The following ARHGAP15 variants were observed in gnomAD, a reference collection of about 807,000 sequenced individuals.
ARHGAP15 encodes the protein rho GTPase-activating protein 15.
In ARHGAP15, 51 loss-of-function variants were observed where a neutral mutation model predicts 63.7. The ratio of observed to expected loss-of-function variants is 0.80; its 90% CI spans 0.64 to 1.01. The LOEUF (loss-of-function observed/expected upper bound fraction) is 1.01, where lower values mean the gene tolerates loss of function less well. ARHGAP15 is among the 50% of genes least tolerant of loss of function. The pLI is 0.00. For missense variants in ARHGAP15, 560 were observed against 564.6 expected, an observed-to-expected ratio of 0.99 and a Z score of 0.08; for synonymous variants, 191 against 193.8, an observed-to-expected ratio of 0.99 and a Z score of 0.12.
chr2:143,135,465 T>C (rs1375890223), intron 1 of ARHGAP15, among the ~76,000 whole-genome samples: 1 of 152,192 alleles, frequency 6.6e-6, no homozygotes, highest in Admixed American at 6.5e-5. Context: ...ATAGATATGC[T>C]ACTTAGCCAA....
chr2:143,486,133 A>T (rs555708477), intron 8 of ARHGAP15, among the ~76,000 whole-genome samples: 1 of 152,182 alleles, frequency 6.6e-6, no homozygotes, highest in African/African-American at 2.4e-5. Flanking sequence ...TTTCAAAAGC[A>T]TATCTATATT....
chr2:143,208,394 C>G (rs1692433418), intron 3 of ARHGAP15, among the ~76,000 whole-genome samples: 1 of 152,160 alleles, frequency 6.6e-6, no homozygotes, highest in African/African-American at 2.4e-5. Context: ...GAATCATGCT[C>G]CCTCTCTTAA....
chr2:143,479,891 T>C (rs115821943), intron 8 of ARHGAP15, among the ~76,000 whole-genome samples: 2,654 of 151,496 alleles, frequency 0.018, 84 homozygotes, highest in African/African-American at 0.061. Flanking sequence ...AAAAAGTCAT[T>C]AAACTCTGGC....
At chr2:143,620,512 T>C (rs1327370651) in intron 11 of ARHGAP15, among the ~76,000 whole-genome samples, 1 of 152,232 alleles carries the variant, frequency 6.6e-6, no homozygotes, top group East Asian at 1.9e-4. Flanking sequence ...ATTACAATCT[T>C]GACATAATAG....
chr2:143,485,306 C>T (rs1172378738), intron 8 of ARHGAP15, among the ~76,000 whole-genome samples: 2 of 152,082 alleles, frequency 1.3e-5, no homozygotes, highest in South Asian at 2.1e-4. Flanking sequence ...TCTTAAGAGC[C>T]CCATAGCTGG....
chr2:143,163,683 TTCAGAATATCTGTG>T (rs1160735328), intron 2 of ARHGAP15, among the ~76,000 whole-genome samples: 1 of 152,050 alleles, frequency 6.6e-6, no homozygotes, highest in East Asian at 1.9e-4. Context: ...GCAGAAAATA[TTCAGAATATCTGTG>T]TCATCACAGA....
At chr2:143,175,264 G>A (rs184391539) in intron 2 of ARHGAP15, among the ~76,000 whole-genome samples, 1 of 152,276 alleles carries the variant, frequency 6.6e-6, no homozygotes, top group East Asian at 1.9e-4. Context: ...ACAAGTATTA[G>A]CAGTGCTCGA....
chr2:143,310,314 T>C (rs1208702314), intron 6 of ARHGAP15, among the ~76,000 whole-genome samples: 1 of 152,094 alleles, frequency 6.6e-6, no homozygotes, highest in African/African-American at 2.4e-5. Flanking sequence ...GTTATACTAT[T>C]GAAATTAACT....
At position 143,436,921 on chromosome 2, in the gene ARHGAP15, T is replaced by A. The variant is rs768765146; in HGVS notation, c.582T>A (p.Asp194Glu). ...TTATTTGCTGTTTCCAGCCAAAGGA[T>A]TCAAGTTGTCCATCAAGAAACCTGG... ...IKNAIDRLPK[D>E]SSCPSRNLEL... The change falls in exon 8 of 14, where the codon GAT (aspartate) becomes GAA (glutamate). Residue 194 changes from aspartate (D) to glutamate (E), a missense_variant. Asp to Glu is a conservative substitution (Grantham distance 45). Coordinates refer to ENST00000295095, the MANE Select transcript of ARHGAP15 (RefSeq NM_018460.4). 2 of 1,609,238 alleles carry A rather than the reference T, an allele frequency of 1.2e-6. No homozygotes were observed. The highest frequency in any genetic ancestry group is 4.5e-5 in the East Asian group (2 of 44,742).
At chr2:143,555,849 C>A (rs1695764942) in intron 10 of ARHGAP15, among the ~76,000 whole-genome samples, 1 of 133,620 alleles carries the variant, frequency 7.5e-6, no homozygotes. Context: ...CTGTAACAAT[C>A]ACAGGAAAAC....
intron 5 of ARHGAP15, among the ~76,000 whole-genome samples, chr2:143,246,558 A>G (rs1694053191): frequency 6.6e-6 from 1 of 151,990 alleles, no homozygotes; most frequent in Non-Finnish European, 1.5e-5. Context: ...GGTAGACATT[A>G]TTTGTAATAT....
In ARHGAP15 at chr2:143,463,196, T is replaced by G. The variant is rs577143811; in HGVS notation, c.704-24177T>G. ...AGCCAAATATACTGGAAAACTCTGA[T>G]AAGCCCACTCCTAGGTAGCTCACCT... On this transcript the variant is annotated intron_variant, in intron 8 of 13. Transcript: ENST00000295095. Among the ~76,000 whole-genome samples, 5 of 152,264 alleles carry G rather than the reference T, an allele frequency of 3.3e-5. No individual in the cohort carries two copies. The East Asian group carries it at 5.8e-4, about 18-fold the overall frequency.
At chr2:143,349,085 A>G (rs1685441394) in intron 6 of ARHGAP15, among the ~76,000 whole-genome samples, 1 of 152,188 alleles carries the variant, frequency 6.6e-6, no homozygotes, top group South Asian at 2.1e-4. Context: ...TAAGATTATC[A>G]AGTTATTTAG....
At chr2:143,530,884 C>T (rs996106819) in intron 10 of ARHGAP15, among the ~76,000 whole-genome samples, 5 of 152,132 alleles carry the variant, frequency 3.3e-5, no homozygotes, top group African/African-American at 9.7e-5. Context: ...TCTAATGAAA[C>T]CAGTCCCTTG....
At chr2:143,398,160 A>G (rs72999547) in intron 6 of ARHGAP15, among the ~76,000 whole-genome samples, 4,857 of 152,214 alleles carry the variant, frequency 0.032, 268 homozygotes, top group African/African-American at 0.11. Context: ...TTAGACTCCA[A>G]GGTGGACTCA....
intron 6 of ARHGAP15, among the ~76,000 whole-genome samples, chr2:143,346,148 A>C (rs1446941107): frequency 1.4e-5 from 2 of 146,672 alleles, no homozygotes; most frequent in Admixed American, 1.4e-4. Context: ...TGTCCTGTAC[A>C]AATGAGCACA....
chr2:143,727,813 C>T (rs1223547051), intron 13 of ARHGAP15, among the ~76,000 whole-genome samples: 2 of 152,094 alleles, frequency 1.3e-5, no homozygotes, highest in Non-Finnish European at 2.9e-5. Flanking sequence ...TTTACTCTAC[C>T]TTCAAATGCC....
At chr2:143,169,934 C>A (rs1444794919) in intron 2 of ARHGAP15, among the ~76,000 whole-genome samples, 1 of 151,922 alleles carries the variant, frequency 6.6e-6, no homozygotes, top group Non-Finnish European at 1.5e-5. Context: ...TGTAAATTAT[C>A]CCCTCAAGTA....
Position 143,574,039 on chromosome 2 carries a change from G to A in ARHGAP15, c.1003+17554G>A, listed in dbSNP as rs980275005. ...TCAGTGGAGGTTCTAACCAAGGATGGTTTCTAGACTGTAGCCAAACGAAAT... is the reference window on the plus strand; with the variant it reads ...TCAGTGGAGGTTCTAACCAAGGATGATTTCTAGACTGTAGCCAAACGAAAT... On this transcript the variant is annotated intron_variant, in intron 11 of 13. Coordinates refer to ENST00000295095, the MANE Select transcript of ARHGAP15 (RefSeq NM_018460.4). Among the ~76,000 whole-genome samples the A allele has an allele frequency of 2.0e-5, 3 of 152,172 alleles. No individual in the cohort carries two copies. In the East Asian group the frequency reaches 5.8e-4, roughly 29 times the overall value.
Sources: allele counts gnomAD v4.1 joint callset (sites outside exome capture counted in the v4.1 genomes callset), GRCh38; gene constraint gnomAD v4.1.1; transcripts MANE v1.5; gene names NCBI Gene and HGNC (gene_info 2026-07-23, HGNC 2026-07-21).